The following SORCS2 variants were observed in gnomAD, a reference collection of about 807,000 sequenced individuals.
SORCS2 encodes the protein sortilin related VPS10 domain containing receptor 2.
SORCS2 carries 100 observed loss-of-function variants against 141.6 expected under a neutral mutation model. The ratio of observed to expected loss-of-function variants is 0.71; its 90% confidence interval spans 0.60 to 0.83. The LOEUF (loss-of-function observed/expected upper bound fraction) is 0.83. Ranked by LOEUF, SORCS2 falls within the 40% of genes least tolerant of loss-of-function variation. The pLI, the probability that SORCS2 is intolerant of heterozygous loss-of-function variation, is 0.00. For missense variants in SORCS2, 1,646 were observed against 1,560.2 expected (o/e 1.05, Z -0.93); for synonymous variants, 789 against 676.9 (o/e 1.17, Z -2.57).
intron 23 of SORCS2, among the ~76,000 whole-genome samples, chr4:7,732,229 T>A (rs752403972): frequency 6.6e-6 from 1 of 152,224 alleles, no homozygotes; most frequent in Admixed American, 6.5e-5. Flanking sequence ...GAAATGCTCA[T>A]TGAAGCCACA....
intron 1 of SORCS2, among the ~76,000 whole-genome samples, chr4:7,355,712 A>G (rs1374657906): frequency 6.6e-6 from 1 of 152,214 alleles, no homozygotes. Context: ...ACCTTGGGTA[A>G]ATGAGGAAAA....
chr4:7,575,824 G>T (rs1027491348), intron 3 of SORCS2, among the ~76,000 whole-genome samples: 2 of 152,230 alleles, frequency 1.3e-5, no homozygotes, highest in African/African-American at 4.8e-5. Context: ...GAACCCAGGA[G>T]AAGGTCTGTG....
chr4:7,617,508 C>T (rs1718845861), intron 3 of SORCS2, among the ~76,000 whole-genome samples: 1 of 152,176 alleles, frequency 6.6e-6, no homozygotes, highest in South Asian at 2.1e-4. Context: ...AAGGAGCTCA[C>T]AGCCCAATGA....
At chr4:7,562,384 A>T (rs1714662867) in intron 3 of SORCS2, among the ~76,000 whole-genome samples, 1 of 152,060 alleles carries the variant, frequency 6.6e-6, no homozygotes, top group Non-Finnish European at 1.5e-5. Context: ...TGGTGGCTAC[A>T]AGGAGGAGGG....
intron 3 of SORCS2, among the ~76,000 whole-genome samples, chr4:7,547,134 C>T (rs1026225234): frequency 6.6e-5 from 10 of 152,152 alleles, no homozygotes; most frequent in Admixed American, 4.6e-4. Flanking sequence ...ATCACATGAA[C>T]AGTGCCACAT....
chr4:7,374,182 T>A (rs1176171080), intron 1 of SORCS2, among the ~76,000 whole-genome samples: 5 of 131,516 alleles, frequency 3.8e-5, no homozygotes, highest in Admixed American at 7.8e-5. Context: ...TTTCTTTCTT[T>A]CTTTCTTTCT....
At chr4:7,377,280 G>T (rs184069005) in intron 1 of SORCS2, among the ~76,000 whole-genome samples, 2 of 152,040 alleles carry the variant, frequency 1.3e-5, no homozygotes, top group African/African-American at 4.8e-5. Flanking sequence ...AAGAAATGCT[G>T]CTGACGAGCA....
rs180723711 is a variant in SORCS2, at chr4:7,350,999, C to T, written c.481-45289C>T. On this transcript the variant is annotated intron_variant, in intron 1 of 26. Transcript: ENST00000507866. Reference sequence around the variant, plus strand: ...GCACACGTGGTCGGGGTGGGGCTGTCGAAAGCTGGTGTTTACAAACCAGGC... The same window carrying T: ...GCACACGTGGTCGGGGTGGGGCTGTTGAAAGCTGGTGTTTACAAACCAGGC... 1.3e-3 allele frequency among the ~76,000 whole-genome samples: 194 copies of T among 152,286 alleles called. 1 individual carries two copies. Among genetic ancestry groups the T allele is most frequent in the Non-Finnish European group, 2.3e-3 (155 of 68,030 alleles).
At position 7,556,997 on chromosome 4, in the gene SORCS2, A is replaced by G. The variant is rs142686478; in HGVS notation, c.648+25368A>G. ...CACCCACCTGTCCATCCGTCCATCT[A>G]TCCATTTATCCATCCATCTGTCCAC... is the stretch of plus-strand genomic sequence containing the variant. On this transcript the variant is annotated intron_variant, in intron 3 of 26. Transcript: ENST00000507866. 1.8e-4 allele frequency among the ~76,000 whole-genome samples: 26 copies of G among 147,456 alleles called. No individual in the cohort carries two copies. In the East Asian group the frequency reaches 4.9e-3, roughly 28 times the overall value.
rs1056537776 is a variant in SORCS2 at position 7,449,473 on chromosome 4, A to G, written c.548+53118A>G. Among the ~76,000 whole-genome samples the G allele has an allele frequency of 2.1e-5, 3 of 145,608 alleles. No individual in the cohort carries two copies. In the East Asian group the frequency reaches 6.2e-4, roughly 30 times the overall value. The stretch of plus-strand genomic sequence containing the variant: ...TGCTTTTCTTCCCACCTATGGGTGA[A>G]TTTGGGCAAGTTACCACGTGACGTT... On this transcript the variant is annotated intron_variant, in intron 2 of 26. Transcript: ENST00000507866.
intron 1 of SORCS2, among the ~76,000 whole-genome samples, chr4:7,243,367 T>C (rs1712844616): frequency 1.3e-5 from 2 of 152,142 alleles, no homozygotes; most frequent in African/African-American, 4.8e-5. Context: ...ATTTGTCCCC[T>C]GCGTGATGGT....
At chr4:7,725,060 C>T in intron 19 of SORCS2, 94 bp from the exon 20 acceptor site, 1 of 1,347,764 alleles carries the variant, frequency 7.4e-7, no homozygotes, top group Non-Finnish European at 1.0e-6. Flanking sequence ...GTGATGATAG[C>T]AATGAAGTTG....
At chr4:7,310,557 T>C (rs746859340) in intron 1 of SORCS2, 25 of 154,254 alleles carry the variant, frequency 1.6e-4, no homozygotes, top group Non-Finnish European at 3.2e-4. Flanking sequence ...TGAACCACCA[T>C]ACTAGTTGCC....
chr4:7,327,001 C>T (rs950903975), intron 1 of SORCS2, among the ~76,000 whole-genome samples: 19 of 152,218 alleles, frequency 1.2e-4, no homozygotes, highest in African/African-American at 4.1e-4. Context: ...CACCCCTGCC[C>T]ACAGCTGCTT....
rs991456132 is a variant in SORCS2, at chr4:7,233,317, G to A, written c.480+40191G>A. On this transcript the variant is annotated intron_variant, in intron 1 of 26. Coordinates refer to ENST00000507866, the MANE Select transcript of SORCS2 (RefSeq NM_020777.3). This position sits in a 1 kb window ranked among gnomAD's most constrained non-coding sequence, Gnocchi z 4.5. ...TGCAGAAGCCACGGTGGGGACAGGA[G>A]CACATCCAGGGTGTCATCATGATGA... 1.3e-5 allele frequency among the ~76,000 whole-genome samples: 2 copies of A among 152,192 alleles called. No individual in the cohort carries two copies. The highest frequency in any genetic ancestry group is 2.4e-5 in the African/African-American group (1 of 41,446).
At chr4:7,676,262 C>T (rs914089877) in intron 9 of SORCS2, 33 bp downstream of exon 9, 20 of 1,542,990 alleles carry the variant, frequency 1.3e-5, no homozygotes, top group African/African-American at 2.7e-5. Flanking sequence ...CCAGGTCTGC[C>T]GCCGACCCCC....
intron 1 of SORCS2, among the ~76,000 whole-genome samples, chr4:7,226,681 G>A (rs557092745): frequency 6.6e-6 from 1 of 152,216 alleles, no homozygotes; most frequent in Non-Finnish European, 1.5e-5. Flanking sequence ...CAGAGTCACC[G>A]CTGAGGTTAA....
intron 10 of SORCS2, among the ~76,000 whole-genome samples, chr4:7,686,396 T>G (rs1419765357): frequency 6.6e-6 from 1 of 152,158 alleles, no homozygotes; most frequent in African/African-American, 2.4e-5. Context: ...CTTTGATGAT[T>G]TGCTAGACAC....
intron 2 of SORCS2, among the ~76,000 whole-genome samples, chr4:7,505,880 C>T (rs912779547): frequency 2.0e-5 from 3 of 152,148 alleles, no homozygotes; most frequent in African/African-American, 2.4e-5. Flanking sequence ...CAGTGGCAGT[C>T]GATGGACAAA....
Sources: gnomAD v4.1 joint callset for allele counts (sites outside exome capture counted in the v4.1 genomes callset) on GRCh38, gnomAD v4.1.1 for gene constraint, Gnocchi (gnomAD v3.1) non-coding constraint, MANE v1.5 for transcripts, NCBI Gene and HGNC (gene_info 2026-07-23, HGNC 2026-07-21) for gene names.